Variants in DIP2C observed in about 807,000 individuals in gnomAD.
The protein encoded by DIP2C is disco-interacting protein 2 homolog C.
In DIP2C, 33 loss-of-function variants were observed where a neutral mutation model predicts 192.4. The observed-to-expected ratio is 0.17, with a 90% CI of 0.13 to 0.23. The LOEUF is 0.23. Among genes scored for constraint, DIP2C ranks in the 10% least tolerant of loss-of-function variants. The pLI is 1.00. For missense variants in DIP2C, 1,537 were observed against 2,110.1 expected (o/e 0.73, Z 5.32); for synonymous variants, 979 against 864.1 (o/e 1.13, Z -2.33).
chr10:607,308 C>T (rs1010087476), intron 1 of DIP2C, among the ~76,000 whole-genome samples: 13 of 151,962 alleles, frequency 8.6e-5, no homozygotes, highest in Non-Finnish European at 1.5e-4. Flanking sequence ...CCTCTGCCCT[C>T]GAGAGCAGCT....
intron 25 of DIP2C, 39 bp from the exon 26 acceptor site, chr10:348,801 CGCT>C (rs751587886): frequency 6.2e-7 from 1 of 1,609,012 alleles, no homozygotes; most frequent in African/African-American, 1.3e-5. Flanking sequence ...AAGCAGACCA[CGCT>C]GCTGAGTGCA....
At chr10:495,877 G>A (rs1470177311) in intron 1 of DIP2C, among the ~76,000 whole-genome samples, 6 of 151,314 alleles carry the variant, frequency 4.0e-5, no homozygotes, top group East Asian at 2.0e-4. Flanking sequence ...GCCCTCCCGT[G>A]TCCTTAAAAT....
chr10:362,459 A>G, intron 22 of DIP2C, 31 bp downstream of exon 22: 1 of 1,607,944 alleles, frequency 6.2e-7, no homozygotes, highest in East Asian at 2.2e-5. Context: ...GAACTCCCGC[A>G]CCTCACAAGC....
At chr10:646,035 G>C (rs1855433256) in intron 1 of DIP2C, among the ~76,000 whole-genome samples, 1 of 152,246 alleles carries the variant, frequency 6.6e-6, no homozygotes, top group Non-Finnish European at 1.5e-5. Flanking sequence ...GAAAGGTGAT[G>C]TGTAGAGTTT....
chr10:473,410 G>A (rs1159425719), intron 2 of DIP2C, among the ~76,000 whole-genome samples: 1 of 152,180 alleles, frequency 6.6e-6, no homozygotes, highest in African/African-American at 2.4e-5. Flanking sequence ...CATCCCCACA[G>A]TTCCGTGAAC....
chr10:387,290 GC>G (rs890043368), intron 14 of DIP2C, among the ~76,000 whole-genome samples: 16 of 152,214 alleles, frequency 1.1e-4, no homozygotes, highest in African/African-American at 3.1e-4. Flanking sequence ...GACACAACTG[GC>G]TTTGTGGTGC....
At chr10:297,145 G>A (rs1189914337) in intron 32 of DIP2C, among the ~76,000 whole-genome samples, 1 of 151,822 alleles carries the variant, frequency 6.6e-6, no homozygotes. Context: ...AGTGAGCCGA[G>A]ATCATGCCAC....
chr10:372,074 CTTTTTTT>C (rs71376826), intron 17 of DIP2C, among the ~76,000 whole-genome samples: 4 of 137,582 alleles, frequency 2.9e-5, no homozygotes, highest in Non-Finnish European at 3.1e-5. Flanking sequence ...ACCCCCTTTC[CTTTTTTT>C]TTTTTTTTTT....
At chr10:580,590 A>AGG (rs1377369533) in intron 1 of DIP2C, among the ~76,000 whole-genome samples, 3 of 152,332 alleles carry the variant, frequency 2.0e-5, no homozygotes, top group Non-Finnish European at 2.9e-5. Flanking sequence ...GTACATACCT[A>AGG]TACATTGTAA....
At chr10:387,916 A>G (rs1963113800) in intron 13 of DIP2C, 107 bp from the exon 14 acceptor site, 84 of 1,263,776 alleles carry the variant, frequency 6.6e-5, no homozygotes, top group Non-Finnish European at 9.6e-5. Flanking sequence ...AGATCTTGGG[A>G]AAATATCATT....
Position 636,513 on chromosome 10 carries a change from C to T in DIP2C, c.85+52981G>A, listed in dbSNP as rs376800160. Among the ~76,000 whole-genome samples the T allele has an allele frequency of 2.4e-4, 36 of 152,294 alleles. No individual in the cohort carries two copies. Among genetic ancestry groups the T allele is most frequent in the Non-Finnish European group, 2.6e-4 (18 of 68,034 alleles). On this transcript the variant is annotated intron_variant, in intron 1 of 36. Coordinates refer to ENST00000280886, the MANE Select transcript of DIP2C (RefSeq NM_014974.3). The surrounding 1 kb of genome is among the most constrained non-coding windows in gnomAD (Gnocchi z 4.6). ...TGCCACCTCGCCGAGTCCTCACGCA[C>T]GCGTTCCCTAAGAATAAAGGACCCT... is the stretch of plus-strand genomic sequence containing the variant.
chr10:378,466 TAGAC>T (rs989623159), intron 17 of DIP2C, among the ~76,000 whole-genome samples: 4 of 151,916 alleles, frequency 2.6e-5, no homozygotes, highest in South Asian at 2.1e-4. Flanking sequence ...CAAACATGCC[TAGAC>T]AAAGACATGC....
chr10:661,501 G>T (rs1856758886), intron 1 of DIP2C, among the ~76,000 whole-genome samples: 1 of 152,154 alleles, frequency 6.6e-6, no homozygotes, highest in African/African-American at 2.4e-5. Flanking sequence ...GGGCCACCAG[G>T]CTCCCCTCGC....
intron 22 of DIP2C, among the ~76,000 whole-genome samples, chr10:359,603 A>G (rs1048783006): frequency 2.0e-5 from 3 of 152,174 alleles, no homozygotes; most frequent in Non-Finnish European, 4.4e-5. Flanking sequence ...CACATTTAGC[A>G]AAAGAATTTG....
intron 17 of DIP2C, chr10:369,944 C>G: frequency 5.1e-6 from 5 of 985,084 alleles, no homozygotes; most frequent in Non-Finnish European, 6.0e-6. Flanking sequence ...TCCCCTCCCT[C>G]CAGGCCCTGC....
At chr10:685,059 A>C (rs1321447206) in intron 1 of DIP2C, among the ~76,000 whole-genome samples, 1 of 147,290 alleles carries the variant, frequency 6.8e-6, no homozygotes, top group African/African-American at 2.5e-5. Context: ...ACTTGAACCC[A>C]GGAGGCGAAG....
chr10:594,547 G>C (rs967028941), intron 1 of DIP2C, among the ~76,000 whole-genome samples: 6 of 150,078 alleles, frequency 4.0e-5, no homozygotes, highest in African/African-American at 1.5e-4. Flanking sequence ...CCATTTCAAC[G>C]TAAGAGAACA....
chr10:571,867 G>A (rs1174467132), intron 1 of DIP2C, among the ~76,000 whole-genome samples: 2 of 152,174 alleles, frequency 1.3e-5, no homozygotes, highest in African/African-American at 2.4e-5. Flanking sequence ...AGGGCAGTAG[G>A]GAGAGCACCG....
chr10:657,515 C>T (rs1433900581), intron 1 of DIP2C, among the ~76,000 whole-genome samples: 1 of 36,808 alleles, frequency 2.7e-5, no homozygotes, highest in African/African-American at 7.1e-5. Context: ...CTGGACCTGA[C>T]GCTGGACCTG....
Sources: gnomAD v4.1 joint callset for allele counts (sites outside exome capture counted in the v4.1 genomes callset) on GRCh38, gnomAD v4.1.1 for gene constraint, Gnocchi (gnomAD v3.1) non-coding constraint, MANE v1.5 for transcripts, NCBI Gene and HGNC (gene_info 2026-07-23, HGNC 2026-07-21) for gene names.